Variants in EGLN1 observed in about 807,000 individuals in gnomAD.
EGLN1 encodes egl-9 family hypoxia inducible factor 1, also known as egl nine homolog 1.
In EGLN1, 17 loss-of-function variants were observed where a neutral mutation model predicts 38.3. The observed-to-expected ratio is 0.44, with a 90% CI of 0.30 to 0.67. The LOEUF is 0.67. Among genes scored for constraint, EGLN1 ranks in the 30% least tolerant of loss-of-function variants. The pLI is 0.08. For missense variants in EGLN1, 477 were observed against 603.3 expected (o/e 0.79, Z 2.19); for synonymous variants, 283 against 257.5 (o/e 1.10, Z -0.95).
chr1:231,385,504 G>GGT (rs1274424195), intron 1 of EGLN1, among the ~76,000 whole-genome samples: 1 of 152,170 alleles, frequency 6.6e-6, no homozygotes, highest in African/African-American at 2.4e-5. Flanking sequence ...AAAAGGTCAT[G>GGT]GTGTGTGTGT....
intron 2 of EGLN1, among the ~76,000 whole-genome samples, chr1:231,373,508 T>G (rs1687880204): frequency 6.6e-6 from 1 of 152,228 alleles, no homozygotes; most frequent in Admixed American, 6.5e-5. Flanking sequence ...TCAGTACTTT[T>G]TTATATGGTT....
rs867431173 is a variant in EGLN1 at position 231,367,950 on chromosome 1, G to A, written c.1149-314C>T. Among the ~76,000 whole-genome samples the A allele has an allele frequency of 4.6e-5, 7 of 152,292 alleles. No individual in the cohort carries two copies. The Middle Eastern group carries it at 0.01, about 222-fold the overall frequency. On this transcript the variant is annotated intron_variant, in intron 3 of 4. Coordinates refer to ENST00000366641, the MANE Select transcript of EGLN1 (RefSeq NM_022051.3). Reference sequence around the variant, plus strand: ...TGTAATCCCAGCACTTCGGGAGGCCGAAGTGGGTGGATCATGAAGTCAGGA... The same window carrying A: ...TGTAATCCCAGCACTTCGGGAGGCCAAAGTGGGTGGATCATGAAGTCAGGA...
chr1:231,391,092 TTGTGTGTGTGTGTGTGTG>T (rs763284659), intron 1 of EGLN1, among the ~76,000 whole-genome samples: 1 of 67,368 alleles, frequency 1.5e-5, no homozygotes, highest in East Asian at 4.0e-4. Context: ...TGTTTTTTTT[TTGTGTGTGTGTGTGTGTG>T]TGTGTGTGTG....
intron 1 of EGLN1, among the ~76,000 whole-genome samples, chr1:231,388,844 A>G (rs1259007371): frequency 6.6e-6 from 1 of 152,056 alleles, no homozygotes; most frequent in African/African-American, 2.4e-5. Context: ...TAATAGAGAC[A>G]GGATTTCACC....
chr1:231,411,043 A>C (rs1395451757), intron 1 of EGLN1, among the ~76,000 whole-genome samples: 1 of 152,156 alleles, frequency 6.6e-6, no homozygotes, highest in Non-Finnish European at 1.5e-5. Context: ...ATAGAGGAAA[A>C]TTGGAAATAT....
intron 1 of EGLN1, among the ~76,000 whole-genome samples, chr1:231,387,257 C>CACACACACACA (rs552920401): frequency 1.3e-5 from 2 of 149,206 alleles, no homozygotes; most frequent in African/African-American, 5.1e-5. Flanking sequence ...ACACACACAC[C>CACACACACACA]CCCCTAATTA....
At position 231,417,954 on chromosome 1, in the gene EGLN1, G is replaced by C. The variant is rs538911131; in HGVS notation, c.891+3044C>G. Among the ~76,000 whole-genome samples the C allele has an allele frequency of 7.2e-5, 11 of 152,280 alleles. No individual in the cohort carries two copies. In the South Asian group the frequency reaches 2.3e-3, roughly 32 times the overall value. Reference sequence around the variant, plus strand: ...TGAATTTAAGTCCTAATATGCTGCAGAATTTCCAACAAGTGAACTAACTTT... The same window carrying C: ...TGAATTTAAGTCCTAATATGCTGCACAATTTCCAACAAGTGAACTAACTTT... On this transcript the variant is annotated intron_variant, in intron 1 of 4. Transcript: ENST00000366641.
chr1:231,418,824 TGTACTC>T (rs1247111806), intron 1 of EGLN1, among the ~76,000 whole-genome samples: 2 of 150,572 alleles, frequency 1.3e-5, no homozygotes, highest in Admixed American at 1.3e-4. Context: ...CTTACACCCT[TGTACTC>T]CAGCCAGGGC....
chr1:231,404,277 A>G lies in EGLN1; in HGVS notation c.891+16721T>C, dbSNP rs545141675. ...AGCACAGACACCAAAGTAATTCTACATATTTTATAATGGCCACTTAAAAGA... is the reference window on the plus strand; with the variant it reads ...AGCACAGACACCAAAGTAATTCTACGTATTTTATAATGGCCACTTAAAAGA... On this transcript the variant is annotated intron_variant, in intron 1 of 4. Coordinates refer to ENST00000366641, the MANE Select transcript of EGLN1 (RefSeq NM_022051.3). Among the ~76,000 whole-genome samples, 7 of 152,296 alleles carry G rather than the reference A, an allele frequency of 4.6e-5. 1 individual carries two copies. The East Asian group carries it at 1.4e-3, about 29-fold the overall frequency.
intron 1 of EGLN1, among the ~76,000 whole-genome samples, chr1:231,388,874 C>CA (rs1301873359): frequency 6.6e-6 from 1 of 152,186 alleles, no homozygotes; most frequent in Non-Finnish European, 1.5e-5. Flanking sequence ...AGACTGGTCT[C>CA]AAACTCCCAA....
intron 1 of EGLN1, among the ~76,000 whole-genome samples, chr1:231,413,086 CTTTT>C (rs949479888): frequency 6.6e-6 from 1 of 151,962 alleles, no homozygotes; most frequent in African/African-American, 2.4e-5. Context: ...TTTTCTGTTT[CTTTT>C]TTTGAGACAG....
At chr1:231,396,353 A>T (rs1688530647) in intron 1 of EGLN1, among the ~76,000 whole-genome samples, 1 of 151,656 alleles carries the variant, frequency 6.6e-6, no homozygotes. Flanking sequence ...TCCTAGGTTC[A>T]AGCGATTCTC....
At position 231,406,742 on chromosome 1, in the gene EGLN1, A is replaced by G. The variant is rs369968210; in HGVS notation, c.891+14256T>C. Reference sequence around the variant, plus strand: ...GGAGGGGCTTTATTACAAGCAGAACATTGTGTGTACTATGTTCATTTTGAG... The same window carrying G: ...GGAGGGGCTTTATTACAAGCAGAACGTTGTGTGTACTATGTTCATTTTGAG... On this transcript the variant is annotated intron_variant, in intron 1 of 4. Transcript: ENST00000366641. Among the ~76,000 whole-genome samples the G allele has an allele frequency of 6.6e-5, 10 of 152,034 alleles. 1 individual carries two copies. Among genetic ancestry groups the G allele is most frequent in the Admixed American group, 5.9e-4 (9 of 15,280 alleles).
At position 231,366,271 on chromosome 1, in the gene EGLN1, A is replaced by C; in HGVS notation, c.*140T>G. On this transcript the variant is annotated 3_prime_UTR_variant, in exon 5 of 5. Transcript: ENST00000366641. ...GCAGTCAAAATCTTCTGTTTGATGC[A>C]ACACAAAAAGTTGTTTCTGTTTCCT... The C allele has an allele frequency of 1.2e-6, 1 of 865,906 alleles. No homozygotes were observed. Among genetic ancestry groups the C allele is most frequent in the South Asian group, 1.5e-5 (1 of 68,152 alleles). The allele number at this position is 865,906 out of a possible 1,614,324, so 53.6% of individuals were successfully genotyped here. A position where few individuals can be genotyped will look rare whatever the true frequency, so the allele number is the denominator to read the frequency against.
At chr1:231,379,695 C>A (rs1384603692) in intron 1 of EGLN1, among the ~76,000 whole-genome samples, 1 of 152,192 alleles carries the variant, frequency 6.6e-6, no homozygotes, top group African/African-American at 2.4e-5. Flanking sequence ...CAAAGATGCA[C>A]ACATTGGGAT....
intron 4 of EGLN1, 84 bp downstream of exon 4, chr1:231,367,485 A>G (rs1262174546): frequency 3.0e-6 from 4 of 1,343,756 alleles, no homozygotes; most frequent in Admixed American, 1.7e-5. Flanking sequence ...GTGTTAACAA[A>G]GACTATGCTT....
Position 231,375,449 on chromosome 1 carries a change from T to C in EGLN1, c.892-1350A>G, listed in dbSNP as rs1687935561. On this transcript the variant is annotated intron_variant, in intron 1 of 4. Transcript: ENST00000366641. Reference sequence around the variant, plus strand: ...TTATCAAACAGTAACCGAATTGTTCTACTATCATATTAAAAGAAAAATGCT... The same window carrying C: ...TTATCAAACAGTAACCGAATTGTTCCACTATCATATTAAAAGAAAAATGCT... Among the ~76,000 whole-genome samples the C allele has an allele frequency of 2.6e-5, 4 of 152,228 alleles. No homozygotes were observed. In the South Asian group the frequency reaches 8.3e-4, roughly 32 times the overall value.
rs35280417 is a variant in EGLN1 at position 231,380,315 on chromosome 1, C to CA, written c.892-6217dup. Among the ~76,000 whole-genome samples the CA allele has an allele frequency of 8.6e-3, 869 of 101,612 alleles. 18 individuals carry two copies. The highest frequency in any genetic ancestry group is 0.026 in the African/African-American group (652 of 25,382). 66.7% of individuals were successfully genotyped at this position (101,612 alleles called of 152,430 possible). A position where few individuals can be genotyped will look rare whatever the true frequency, so the allele number is the denominator to read the frequency against. ...TGGGCGACAGAGCGAGACTCCGTCTCAAAAAAAAAAAAAAAAAAAAGAATA... is the reference window on the plus strand; with the variant it reads ...TGGGCGACAGAGCGAGACTCCGTCTCAAAAAAAAAAAAAAAAAAAAAGAATA... On this transcript the variant is annotated intron_variant, in intron 1 of 4. Coordinates refer to ENST00000366641, the MANE Select transcript of EGLN1 (RefSeq NM_022051.3).
At position 231,388,650 on chromosome 1, in the gene EGLN1, TTTGTTG is replaced by T. The variant is rs71567068; in HGVS notation, c.892-14557_892-14552del. Among the ~76,000 whole-genome samples the T allele has an allele frequency of 5.2e-4, 78 of 150,908 alleles. 2 individuals carry two copies. In the East Asian group the frequency reaches 8.1e-3, roughly 16 times the overall value. ...CCATGCCTACCTAATTTTTTGGTTT[TTTGTTG>T]TTGTTGTTGTTGTTTTGAGACGGCG... On this transcript the variant is annotated intron_variant, in intron 1 of 4. Coordinates refer to ENST00000366641, the MANE Select transcript of EGLN1 (RefSeq NM_022051.3).
Sources: allele counts gnomAD v4.1 joint callset (sites outside exome capture counted in the v4.1 genomes callset), GRCh38; gene constraint gnomAD v4.1.1; transcripts MANE v1.5; gene names NCBI Gene and HGNC (gene_info 2026-07-23, HGNC 2026-07-21).